VRK1: variants seen among roughly 807,000 people sequenced by gnomAD.
VRK1 encodes VRK serine/threonine kinase 1, also known as serine/threonine-protein kinase VRK1.
In VRK1, 33 loss-of-function variants were observed where a neutral mutation model predicts 57.1. The ratio of observed to expected loss-of-function variants is 0.58; its 90% confidence interval spans 0.44 to 0.77. The LOEUF (loss-of-function observed/expected upper bound fraction) is 0.77. Among genes scored for constraint, VRK1 ranks in the 30% least tolerant of loss-of-function variants. The pLI is 0.00. For synonymous variants in VRK1, 137 were observed against 147.8 expected, an observed-to-expected ratio of 0.93 and a Z score of 0.53; for missense variants, 413 against 477.3, an observed-to-expected ratio of 0.87 and a Z score of 1.25.
Position 96,848,769 on chromosome 14 carries a change from CTG to C in VRK1, c.374+1428_374+1429del, listed in dbSNP as rs137955516. Among the ~76,000 whole-genome samples the C allele has an allele frequency of 5.1e-4, 78 of 152,274 alleles. 1 individual carries two copies. The highest frequency in any genetic ancestry group is 1.8e-3 in the African/African-American group (75 of 41,554). The stretch of plus-strand genomic sequence containing the variant: ...CAATTTTTTGCTTTAATTTCTTCAT[CTG>C]TGAAATGGAGTAACAGCTACCCACT... On this transcript the variant is annotated intron_variant, in intron 5 of 12. Transcript: ENST00000216639.
chr14:96,836,479 TG>T (rs548878307), intron 2 of VRK1, among the ~76,000 whole-genome samples: 94 of 152,022 alleles, frequency 6.2e-4, no homozygotes, highest in Non-Finnish European at 1.3e-3. Flanking sequence ...TTTGCCTCCT[TG>T]TTTTCCAAAC....
chr14:96,831,923 T>C (rs1249972658), intron 1 of VRK1, among the ~76,000 whole-genome samples: 1 of 152,196 alleles, frequency 6.6e-6, no homozygotes, highest in Non-Finnish European at 1.5e-5. Context: ...TCTTGGTGTT[T>C]TGAGTCTAGG....
At chr14:96,808,006 T>TCTCCCTCTCTCC (rs1566683545) in intron 1 of VRK1, among the ~76,000 whole-genome samples, 1 of 117,016 alleles carries the variant, frequency 8.5e-6, no homozygotes, top group Admixed American at 9.6e-5. Context: ...TCTCTCCCTC[T>TCTCCCTCTCTCC]CTCTCTCCCT....
chr14:96,859,617 TAATA>T (rs1305859115), intron 10 of VRK1, among the ~76,000 whole-genome samples: 1 of 152,156 alleles, frequency 6.6e-6, no homozygotes, highest in African/African-American at 2.4e-5. Context: ...AGGAGGTGCT[TAATA>T]AATATTTGAG....
chr14:96,797,501 G>C (rs1230949559), intron 1 of VRK1, 54 bp downstream of exon 1: 1 of 152,254 alleles, frequency 6.6e-6, no homozygotes, highest in Non-Finnish European at 1.5e-5. Context: ...AGCCGGGGGC[G>C]CGGAGGCGGG....
chr14:96,836,145 A>G (rs941545656), intron 2 of VRK1, among the ~76,000 whole-genome samples: 15 of 152,128 alleles, frequency 9.9e-5, no homozygotes, highest in African/African-American at 3.6e-4. Flanking sequence ...AATATATTTT[A>G]TTTTACATTG....
intron 11 of VRK1, among the ~76,000 whole-genome samples, chr14:96,874,338 G>T (rs1323092953): frequency 6.6e-6 from 1 of 152,186 alleles, no homozygotes; most frequent in Non-Finnish European, 1.5e-5. Flanking sequence ...CTCCATCAGT[G>T]CAGTTTGCAT....
chr14:96,861,921 T>G lies in VRK1; in HGVS notation c.1068+1186T>G, dbSNP rs1198150498. Among the ~76,000 whole-genome samples, 13 of 152,320 alleles carry G rather than the reference T, an allele frequency of 8.5e-5. 1 individual carries two copies. Among genetic ancestry groups the G allele is most frequent in the African/African-American group, 3.1e-4 (13 of 41,564 alleles). ...TAAACTTACTCTTTGCATACATGCA[T>G]AAACAAGCAGCATGTTTCTTATTGC... On this transcript the variant is annotated intron_variant, in intron 11 of 12. Coordinates refer to ENST00000216639, the MANE Select transcript of VRK1 (RefSeq NM_003384.3).
Position 96,856,544 on chromosome 14 carries a change from G to A in VRK1, c.847G>A (p.Ala283Thr). The stretch of plus-strand genomic sequence containing the variant: ...TTTTAACAGATACAGAGAAAATATT[G>A]CAAGTTTGATGGACAAATGTTTTCC... Reference protein sequence around the residue: ...DSKIRYRENIASLMDKCFPEK... With the variant: ...DSKIRYRENITSLMDKCFPEK... The change falls in exon 10 of 13, where the codon GCA (alanine) becomes ACA (threonine). Residue 283 changes from alanine (A) to threonine (T), a missense_variant. Around this residue, in one of 3 missense-constraint regions of VRK1, gnomAD observed 146 missense variants for 138.2 expected, o/e 1.06. Coordinates refer to ENST00000216639, the MANE Select transcript of VRK1 (RefSeq NM_003384.3). 2 of 1,613,558 alleles carry A rather than the reference G, an allele frequency of 1.2e-6. No individual in the cohort carries two copies. The highest frequency in any genetic ancestry group is 1.7e-6 in the Non-Finnish European group (2 of 1,179,596).
At chr14:96,811,536 C>T (rs540303611) in intron 1 of VRK1, among the ~76,000 whole-genome samples, 3 of 152,268 alleles carry the variant, frequency 2.0e-5, no homozygotes, top group East Asian at 3.9e-4. Context: ...AAGTGGCATA[C>T]GTTCCAAATT....
At chr14:96,799,828 C>T (rs1885585819) in intron 1 of VRK1, among the ~76,000 whole-genome samples, 1 of 152,012 alleles carries the variant, frequency 6.6e-6, no homozygotes, top group Non-Finnish European at 1.5e-5. Context: ...GAAATGGACT[C>T]ATTTATTCAG....
chr14:96,800,028 C>T (rs1270411700), intron 1 of VRK1, among the ~76,000 whole-genome samples: 1 of 150,856 alleles, frequency 6.6e-6, no homozygotes, highest in Non-Finnish European at 1.5e-5. Flanking sequence ...TGAAAAACTG[C>T]ACTATTAATG....
At chr14:96,851,844 G>A (rs1227213533) in intron 5 of VRK1, among the ~76,000 whole-genome samples, 1 of 152,178 alleles carries the variant, frequency 6.6e-6, no homozygotes, top group Admixed American at 6.5e-5. Context: ...CATTAATAAC[G>A]TTTTAAGTAC....
chr14:96,809,980 C>G (rs1034628215), intron 1 of VRK1, among the ~76,000 whole-genome samples: 4 of 152,116 alleles, frequency 2.6e-5, no homozygotes, highest in African/African-American at 9.7e-5. Flanking sequence ...GCTTTGCTTC[C>G]CTTGATATTG....
chr14:96,843,242 A>G (rs76990302), intron 3 of VRK1, among the ~76,000 whole-genome samples: 19,807 of 152,200 alleles, frequency 0.13, 1,642 homozygotes, highest in Non-Finnish European at 0.19. Flanking sequence ...TTGCTGACAG[A>G]CTTAATATGA....
rs764444991 is a variant in VRK1 at position 96,831,062 on chromosome 14, CCTT to C, written c.-5-2398_-5-2396del. On this transcript the variant is annotated intron_variant, in intron 1 of 12. Coordinates refer to ENST00000216639, the MANE Select transcript of VRK1 (RefSeq NM_003384.3). ...TTCCTGGCTGTGGGAGTGGCAGAGC[CCTT>C]CTTCTTTCAGTTGCTTTTCTCACAG... 4.0e-4 allele frequency among the ~76,000 whole-genome samples: 61 copies of C among 152,224 alleles called. 1 individual carries two copies. Among genetic ancestry groups the C allele is most frequent in the Non-Finnish European group, 2.5e-4 (17 of 68,014 alleles).
intron 1 of VRK1, among the ~76,000 whole-genome samples, chr14:96,799,021 G>T (rs994532245): frequency 2.0e-5 from 3 of 152,146 alleles, no homozygotes; most frequent in Non-Finnish European, 2.9e-5. Context: ...CTTGTGTTAG[G>T]CGTTACTGTC....
intron 1 of VRK1, among the ~76,000 whole-genome samples, chr14:96,820,133 G>T (rs1886543239): frequency 1.6e-5 from 2 of 122,074 alleles, no homozygotes; most frequent in African/African-American, 6.4e-5. Flanking sequence ...TGTTGTTGCC[G>T]ATTGTTGTAT....
chr14:96,812,484 T>A (rs1886243794), intron 1 of VRK1, among the ~76,000 whole-genome samples: 1 of 152,204 alleles, frequency 6.6e-6, no homozygotes, highest in Non-Finnish European at 1.5e-5. Flanking sequence ...TTGACTTTCA[T>A]TTCCCTAACA....
Sources: gnomAD v4.1 joint callset for allele counts (sites outside exome capture counted in the v4.1 genomes callset) on GRCh38, gnomAD v4.1.1 for gene constraint, gnomAD v4.1.1 regional missense constraint, MANE v1.5 for transcripts, NCBI Gene and HGNC (gene_info 2026-07-23, HGNC 2026-07-21) for gene names.